Variants in LRSAM1 observed in about 807,000 individuals in gnomAD.
LRSAM1 encodes the protein leucine rich repeat and sterile alpha motif containing 1.
Under a neutral mutation model 118.1 loss-of-function variants are expected in LRSAM1, and 96 were observed. The observed-to-expected ratio is 0.81, with a 90% CI of 0.69 to 0.96. The LOEUF (loss-of-function observed/expected upper bound fraction) is 0.96, where lower values mean the gene tolerates loss of function less well. LRSAM1 is among the 40% of genes least tolerant of loss of function. The pLI, the probability that LRSAM1 is intolerant of heterozygous loss-of-function variation, is 0.00. For synonymous variants in LRSAM1, 322 were observed against 364.2 expected (o/e 0.88, Z 1.32); for missense variants, 804 against 915.5 (o/e 0.88, Z 1.57).
intron 4 of LRSAM1, 69 bp from the exon 5 acceptor site, chr9:127,455,507 A>C: frequency 6.7e-7 from 1 of 1,498,572 alleles, no homozygotes; most frequent in South Asian, 1.1e-5. Flanking sequence ...CCTCACGTGA[A>C]TGCCACTCAG....
chr9:127,503,032 G>A lies in LRSAM1; in HGVS notation c.*133G>A. ...CCCTGGGCCCCTTCCCCACTGCCCA[G>A]GAGCCCCCATCCTAAGCTCCAAGCA... On this transcript the variant is annotated 3_prime_UTR_variant, in exon 26 of 26. Coordinates refer to ENST00000300417, the MANE Select transcript of LRSAM1 (RefSeq NM_001005373.4). 1 of 1,228,980 alleles carries A rather than the reference G, an allele frequency of 8.1e-7. No homozygotes were observed. Among genetic ancestry groups the A allele is most frequent in the South Asian group, 1.3e-5 (1 of 75,934 alleles). The allele number at this position is 1,228,980 out of a possible 1,614,324, so 76.1% of individuals were successfully genotyped here. A position where few individuals can be genotyped will look rare whatever the true frequency, so the allele number is the denominator to read the frequency against.
At chr9:127,480,080 C>T (rs1835482750) in intron 14 of LRSAM1, 102 bp downstream of exon 14, 2 of 1,514,030 alleles carry the variant, frequency 1.3e-6, no homozygotes, top group South Asian at 2.3e-5. Context: ...CTGCCCCTGC[C>T]CCGGGCTTCC....
At chr9:127,498,353 AC>A (rs573783360) in intron 24 of LRSAM1, among the ~76,000 whole-genome samples, 1 of 151,904 alleles carries the variant, frequency 6.6e-6, no homozygotes, top group African/African-American at 2.4e-5. Flanking sequence ...GATGTTCCTG[AC>A]CCCCCAGCTC....
rs375474640 is a variant in LRSAM1 at position 127,466,059 on chromosome 9, A to G, written c.529-1681A>G. ...CACAGTGGCTCAAGCTTGTAATCCT[A>G]GCACTTTGGGAAGACGAGGTGGGTG... On this transcript the variant is annotated intron_variant, in intron 9 of 25. Transcript: ENST00000300417. Among the ~76,000 whole-genome samples, 4 of 152,222 alleles carry G rather than the reference A, an allele frequency of 2.6e-5. No homozygotes were observed. In the East Asian group the frequency reaches 7.7e-4, roughly 29 times the overall value.
At chr9:127,499,830 CAGG>C (rs1335430206) in intron 24 of LRSAM1, among the ~76,000 whole-genome samples, 3 of 151,182 alleles carry the variant, frequency 2.0e-5, no homozygotes, top group Admixed American at 1.3e-4. Flanking sequence ...GAGGCTGAGG[CAGG>C]AGAATCACTT....
intron 24 of LRSAM1, among the ~76,000 whole-genome samples, chr9:127,500,268 G>A (rs1394033183): frequency 6.9e-6 from 1 of 145,520 alleles, no homozygotes; most frequent in Non-Finnish European, 1.5e-5. Context: ...GGCTGAGGAA[G>A]GAGAATTGCT....
At chr9:127,502,408 G>C (rs535442757) in intron 25 of LRSAM1, among the ~76,000 whole-genome samples, 1 of 152,144 alleles carries the variant, frequency 6.6e-6, no homozygotes, top group Non-Finnish European at 1.5e-5. Flanking sequence ...GAAGGGGGCC[G>C]GCATGGTGGC....
At chr9:127,460,092 C>T (rs142949550) in intron 7 of LRSAM1, among the ~76,000 whole-genome samples, 4 of 151,122 alleles carry the variant, frequency 2.6e-5, no homozygotes, top group African/African-American at 4.9e-5. Flanking sequence ...CTCCACCTCC[C>T]GGGTTCAAGC....
chr9:127,455,542 G>A (rs745307512), intron 4 of LRSAM1, 34 bp from the exon 5 acceptor site: 1 of 1,612,020 alleles, frequency 6.2e-7, no homozygotes. Context: ...ACTGGCAGGA[G>A]GGGAGACACT....
At position 127,502,799 on chromosome 9, in the gene LRSAM1, G is replaced by A; in HGVS notation, c.2072G>A (p.Gly691Asp). ...REAQMIFLNC[G>D]HVCCCQQCCQ... ...GCCCAGATGATCTTCCTCAACTGTG[G>A]CCACGTCTGCTGCTGCCAGCAGTGC... The change falls in exon 26 of 26, where the codon GGC becomes GAC. Residue 691 changes from glycine (G) to aspartate (D), a missense_variant. Gly to Asp is a moderately conservative substitution (Grantham distance 94). Transcript: ENST00000300417. 1.2e-6 allele frequency: 2 copies of A among 1,612,230 alleles called. No homozygotes were observed. Among genetic ancestry groups the A allele is most frequent in the African/African-American group, 1.3e-5 (1 of 74,932 alleles).
intron 16 of LRSAM1, among the ~76,000 whole-genome samples, chr9:127,484,263 C>CT (rs35834839): frequency 0.52 from 69,772 of 133,554 alleles, 18,540 homozygotes; most frequent in African/African-American, 0.58. Context: ...ATTTCTTTCC[C>CT]TTTTTTTTTT....
intron 3 of LRSAM1, 86 bp downstream of exon 3, chr9:127,454,685 C>T (rs1301826465): frequency 4.4e-6 from 6 of 1,363,174 alleles, no homozygotes; most frequent in Non-Finnish European, 6.2e-6. Context: ...CCCAACAAGC[C>T]GTGCTCCTTC....
intron 11 of LRSAM1, among the ~76,000 whole-genome samples, chr9:127,477,159 T>G (rs987507215): frequency 2.0e-5 from 3 of 152,150 alleles, no homozygotes; most frequent in African/African-American, 7.2e-5. Context: ...AAATTATATA[T>G]GTACAGATGC....
intron 24 of LRSAM1, among the ~76,000 whole-genome samples, chr9:127,498,682 C>T (rs919659653): frequency 2.0e-5 from 3 of 152,228 alleles, no homozygotes; most frequent in African/African-American, 4.8e-5. Context: ...GGGATCCGTC[C>T]TCAGTTCCAG....
intron 6 of LRSAM1, among the ~76,000 whole-genome samples, chr9:127,457,705 G>A (rs1213165370): frequency 1.3e-5 from 2 of 152,202 alleles, no homozygotes; most frequent in Non-Finnish European, 2.9e-5. Flanking sequence ...GGAAGAGGAG[G>A]GACGCGCAGG....
chr9:127,459,206 G>C lies in LRSAM1; in HGVS notation c.321+135G>C, dbSNP rs1319202348. On this transcript the variant is annotated intron_variant, in intron 7 of 25. Coordinates refer to ENST00000300417, the MANE Select transcript of LRSAM1 (RefSeq NM_001005373.4). Reference sequence around the variant, plus strand: ...TCAGTGCCAGCTCCACCCTCCCCTTGGCCCTTTGGGGTTTTTTTTTTTTTT... The same window carrying C: ...TCAGTGCCAGCTCCACCCTCCCCTTCGCCCTTTGGGGTTTTTTTTTTTTTT... 3 of 792,084 alleles carry C rather than the reference G, an allele frequency of 3.8e-6. No homozygotes were observed. The African/African-American group carries it at 5.4e-5, about 14-fold the overall frequency. The allele number at this position is 792,084 out of a possible 1,614,324, so 49.1% of individuals were successfully genotyped here.
chr9:127,503,205 T>C lies in LRSAM1; in HGVS notation c.*306T>C. ...TCACGGATCTGCTGCCTCCCAGCTG[T>C]CTTGACTGAAGGCCACCGCCCCTGC... On this transcript the variant is annotated 3_prime_UTR_variant, in exon 26 of 26. Coordinates refer to ENST00000300417, the MANE Select transcript of LRSAM1 (RefSeq NM_001005373.4). 2 of 427,850 alleles carry C rather than the reference T, an allele frequency of 4.7e-6. No homozygotes were observed. The highest frequency in any genetic ancestry group is 2.1e-5 in the South Asian group (1 of 47,218). 26.5% of individuals were successfully genotyped at this position (427,850 alleles called of 1,614,324 possible).
At chr9:127,479,574 A>G in intron 13 of LRSAM1, 69 bp downstream of exon 13, 2 of 1,601,300 alleles carry the variant, frequency 1.2e-6, no homozygotes, top group Non-Finnish European at 1.7e-6. Context: ...GGCTTGGGCC[A>G]AGGTCCCTCG....
At chr9:127,484,797 T>C (rs1008484504) in intron 16 of LRSAM1, among the ~76,000 whole-genome samples, 17 of 115,196 alleles carry the variant, frequency 1.5e-4, no homozygotes, top group Non-Finnish European at 3.3e-4. Flanking sequence ...AATTTTTTGA[T>C]TTTTCTTTTT....
Sources: allele counts gnomAD v4.1 joint callset (sites outside exome capture counted in the v4.1 genomes callset), GRCh38; gene constraint gnomAD v4.1.1; transcripts MANE v1.5; gene names NCBI Gene and HGNC (gene_info 2026-07-23, HGNC 2026-07-21).